Variants in PARD3B observed in about 807,000 individuals in gnomAD.
PARD3B encodes the protein partitioning defective 3 homolog B.
Under a neutral mutation model 130.2 loss-of-function variants are expected in PARD3B, and 103 were observed. The observed-to-expected ratio is 0.79, with a 90% confidence interval of 0.67 to 0.93. The LOEUF is 0.93. Among genes scored for constraint, PARD3B ranks in the 40% least tolerant of loss-of-function variants. PARD3B has a pLI of 0.00. For synonymous variants in PARD3B, 583 were observed against 553.2 expected, an observed-to-expected ratio of 1.05 and a Z score of -0.76; for missense variants, 1,609 against 1,499.2, an observed-to-expected ratio of 1.07 and a Z score of -1.21.
At chr2:204,554,231 G>A (rs2030755857) in intron 1 of PARD3B, among the ~76,000 whole-genome samples, 1 of 151,944 alleles carries the variant, frequency 6.6e-6, no homozygotes, top group Admixed American at 6.6e-5. Flanking sequence ...TCTGCTTACA[G>A]TAATGTGGTT....
rs2047903925 is a variant in PARD3B, at chr2:205,446,266, A to G, written c.3044+5594A>G. Among the ~76,000 whole-genome samples the G allele has an allele frequency of 6.6e-6, 1 of 152,078 alleles. No homozygotes were observed. The highest frequency in any genetic ancestry group is 6.6e-5 in the Admixed American group (1 of 15,262). On this transcript the variant is annotated intron_variant, in intron 20 of 22. Transcript: ENST00000406610. This position sits in a 1 kb window ranked among gnomAD's most constrained non-coding sequence, Gnocchi z 4.4. ...GACGAAGAGTTTGGACTCTATCCTG[A>G]GGGAGGTGGGGCAGGGTTTGGGTTG...
chr2:205,233,221 T>G (rs898406607), intron 15 of PARD3B, among the ~76,000 whole-genome samples: 2 of 152,174 alleles, frequency 1.3e-5, no homozygotes, highest in Non-Finnish European at 2.9e-5. Flanking sequence ...TGTAACAGTA[T>G]CTTTAAAATA....
At chr2:204,857,538 C>CA (rs925949105) in intron 2 of PARD3B, among the ~76,000 whole-genome samples, 23 of 151,684 alleles carry the variant, frequency 1.5e-4, no homozygotes, top group East Asian at 5.8e-4. Context: ...AATTAAGATG[C>CA]AAAAAAACAG....
rs2047663332 is a variant in PARD3B at position 205,440,208 on chromosome 2, ATCT to A, written c.2742-157_2742-155del. On this transcript the variant is annotated intron_variant, in intron 19 of 22. Transcript: ENST00000406610. The surrounding 1 kb of genome is among the most constrained non-coding windows in gnomAD (Gnocchi z 4.2). ...AATAAAGATCAGATATATAAAATTAATCTTCTTATGCTGTTGGCATTTCTGCAT... is the reference window on the plus strand; with the variant it reads ...AATAAAGATCAGATATATAAAATTAATCTTATGCTGTTGGCATTTCTGCAT... 6.6e-6 allele frequency among the ~76,000 whole-genome samples: 1 copy of A among 152,208 alleles called. No individual in the cohort carries two copies. The highest frequency in any genetic ancestry group is 1.9e-4 in the East Asian group (1 of 5,198).
rs1254498339 is a variant in PARD3B at position 205,463,956 on chromosome 2, C to A, written c.3044+23284C>A. On this transcript the variant is annotated intron_variant, in intron 20 of 22. Transcript: ENST00000406610. The surrounding 1 kb of genome is among the most constrained non-coding windows in gnomAD (Gnocchi z 4.8). Reference sequence around the variant, plus strand: ...AAAACCTTCATCCCAGGTAACCAGGCAGATTTTATTTCCTACCTGCCTGCC... The same window carrying A: ...AAAACCTTCATCCCAGGTAACCAGGAAGATTTTATTTCCTACCTGCCTGCC... Among the ~76,000 whole-genome samples the A allele has an allele frequency of 2.6e-5, 4 of 152,118 alleles. No individual in the cohort carries two copies. Among genetic ancestry groups the A allele is most frequent in the African/African-American group, 9.7e-5 (4 of 41,428 alleles).
chr2:205,200,911 T>C (rs2036953329), intron 15 of PARD3B, among the ~76,000 whole-genome samples: 1 of 151,406 alleles, frequency 6.6e-6, no homozygotes, highest in South Asian at 2.1e-4. Flanking sequence ...ATAGTAACTA[T>C]TGAAGTAATC....
chr2:205,228,091 T>C (rs968550412), intron 15 of PARD3B, among the ~76,000 whole-genome samples: 2 of 152,226 alleles, frequency 1.3e-5, no homozygotes, highest in African/African-American at 4.8e-5. Context: ...GTATTTTTGA[T>C]CAGTTTATAT....
At position 204,887,004 on chromosome 2, in the gene PARD3B, T is replaced by A. The variant is rs1042928407; in HGVS notation, c.223-78148T>A. On this transcript the variant is annotated intron_variant, in intron 2 of 22. Coordinates refer to ENST00000406610, the MANE Select transcript of PARD3B (RefSeq NM_001302769.2). This position sits in a 1 kb window ranked among gnomAD's most constrained non-coding sequence, Gnocchi z 4.2. ...CAAAGGCCCACAGGGTATGTATCAT[T>A]ATACTGAGTGTTTTATGCAGAAAAC... Among the ~76,000 whole-genome samples, 1 of 152,208 alleles carries A rather than the reference T, an allele frequency of 6.6e-6. No individual in the cohort carries two copies.
chr2:205,120,177 A>G (rs1056839231), intron 7 of PARD3B, among the ~76,000 whole-genome samples: 2 of 152,228 alleles, frequency 1.3e-5, no homozygotes, highest in Non-Finnish European at 2.9e-5. Context: ...ACAAAACTAT[A>G]GTTAGTAATA....
intron 16 of PARD3B, among the ~76,000 whole-genome samples, chr2:205,290,220 G>C (rs1010174155): frequency 6.6e-6 from 1 of 152,158 alleles, no homozygotes; most frequent in African/African-American, 2.4e-5. Context: ...CCCCTGAGAT[G>C]GGTCCTTCTT....
In PARD3B at chr2:205,461,078, T is replaced by C. The variant is rs1357331089; in HGVS notation, c.3044+20406T>C. ...GATTTAGACACAGTCCTTACTTTCA[T>C]GGAACTTAAGACCTACAGGAGGAGA... On this transcript the variant is annotated intron_variant, in intron 20 of 22. Transcript: ENST00000406610. This position sits in a 1 kb window ranked among gnomAD's most constrained non-coding sequence, Gnocchi z 4.3. 1.3e-5 allele frequency among the ~76,000 whole-genome samples: 2 copies of C among 152,198 alleles called. No homozygotes were observed. Among genetic ancestry groups the C allele is most frequent in the Non-Finnish European group, 2.9e-5 (2 of 68,040 alleles).
intron 2 of PARD3B, among the ~76,000 whole-genome samples, chr2:204,803,155 A>ATATAT (rs1350085318): frequency 1.4e-5 from 2 of 138,800 alleles, no homozygotes; most frequent in African/African-American, 5.4e-5. Context: ...AAAAAAAAAA[A>ATATAT]AAAAAAAAAT....
rs1198459596 is a variant in PARD3B at position 204,974,070 on chromosome 2, A to G, written c.394+8747A>G. ...TCATTGGCTTAATGGGAAAATGTTGATCGCTATCAGAAAATACCAGTAACT... is the reference window on the plus strand; with the variant it reads ...TCATTGGCTTAATGGGAAAATGTTGGTCGCTATCAGAAAATACCAGTAACT... On this transcript the variant is annotated intron_variant, in intron 3 of 22. Coordinates refer to ENST00000406610, the MANE Select transcript of PARD3B (RefSeq NM_001302769.2). Among the ~76,000 whole-genome samples the G allele has an allele frequency of 2.0e-5, 3 of 152,194 alleles. No homozygotes were observed. The East Asian group carries it at 5.8e-4, about 29-fold the overall frequency.
At chr2:205,285,298 T>C (rs2041350802) in intron 16 of PARD3B, among the ~76,000 whole-genome samples, 2 of 151,950 alleles carry the variant, frequency 1.3e-5, no homozygotes, top group African/African-American at 4.8e-5. Flanking sequence ...ATTATTATTA[T>C]TGTTGTTGTT....
intron 1 of PARD3B, among the ~76,000 whole-genome samples, chr2:204,619,044 C>T (rs2034207426): frequency 6.6e-6 from 1 of 152,110 alleles, no homozygotes; most frequent in Non-Finnish European, 1.5e-5. Context: ...TTAGTCTCTA[C>T]CCTAAATCAC....
chr2:204,949,971 G>T (rs1388425864), intron 2 of PARD3B, among the ~76,000 whole-genome samples: 1 of 151,948 alleles, frequency 6.6e-6, no homozygotes, highest in Non-Finnish European at 1.5e-5. Flanking sequence ...AATTAAGTTG[G>T]GTCTTAAAGG....
chr2:205,080,488 C>T (rs1701336686), intron 4 of PARD3B, among the ~76,000 whole-genome samples: 1 of 152,064 alleles, frequency 6.6e-6, no homozygotes. Context: ...GAATACTCTT[C>T]CTTATATTAA....
chr2:205,420,543 C>T (rs1438683071), intron 19 of PARD3B, among the ~76,000 whole-genome samples: 11 of 152,164 alleles, frequency 7.2e-5, no homozygotes, highest in Non-Finnish European at 2.9e-5. Flanking sequence ...TCAACACCTG[C>T]AGGTCTACTC....
rs1207657462 is a variant in PARD3B, at chr2:205,288,092, A to G, written c.2186-12438A>G. 6.6e-6 allele frequency among the ~76,000 whole-genome samples: 1 copy of G among 152,088 alleles called. No homozygotes were observed. Among genetic ancestry groups the G allele is most frequent in the Non-Finnish European group, 1.5e-5 (1 of 68,022 alleles). ...CCCATTAATCATTATATATTACCAA[A>G]TATAGTAAAGCGTGCTTACGAGGAG... On this transcript the variant is annotated intron_variant, in intron 16 of 22. Coordinates refer to ENST00000406610, the MANE Select transcript of PARD3B (RefSeq NM_001302769.2). This position sits in a 1 kb window ranked among gnomAD's most constrained non-coding sequence, Gnocchi z 4.0.
Sources: allele counts gnomAD v4.1 joint callset (sites outside exome capture counted in the v4.1 genomes callset), GRCh38; gene constraint gnomAD v4.1.1; non-coding constraint Gnocchi (gnomAD v3.1); transcripts MANE v1.5; gene names NCBI Gene and HGNC (gene_info 2026-07-23, HGNC 2026-07-21).